CDK14: variants seen among roughly 807,000 people sequenced by gnomAD.
CDK14 encodes cyclin dependent kinase 14, also known as cyclin-dependent kinase 14.
CDK14 carries 34 observed loss-of-function variants against 60.7 expected under a neutral mutation model. That is an observed-to-expected ratio of 0.56 (90% confidence interval 0.43 to 0.75). The LOEUF (loss-of-function observed/expected upper bound fraction) is 0.75, where lower values mean the gene tolerates loss of function less well. CDK14 is among the 30% of genes least tolerant of loss of function. The pLI is 0.00. For missense variants in CDK14, 482 were observed against 564.1 expected (o/e 0.85, Z 1.47); for synonymous variants, 197 against 203.7 (o/e 0.97, Z 0.28).
intron 10 of CDK14, among the ~76,000 whole-genome samples, chr7:91,027,989 A>C (rs1584245718): frequency 8.7e-6 from 1 of 114,810 alleles, no homozygotes; most frequent in Non-Finnish European, 1.8e-5. Context: ...CTCCCCTGTC[A>C]CCCGAATAGT....
At chr7:90,606,984 C>CA (rs775710677) in intron 2 of CDK14, among the ~76,000 whole-genome samples, 1 of 152,112 alleles carries the variant, frequency 6.6e-6, no homozygotes, top group Non-Finnish European at 1.5e-5. Flanking sequence ...CATAAGATTA[C>CA]AATTTTTTTT....
chr7:90,991,015 G>T lies in CDK14; in HGVS notation c.1041+6774G>T, dbSNP rs1003175950. Among the ~76,000 whole-genome samples, 6 of 152,162 alleles carry T rather than the reference G, an allele frequency of 3.9e-5. 1 individual carries two copies. The highest frequency in any genetic ancestry group is 8.8e-5 in the Non-Finnish European group (6 of 68,036). ...ATTTGAATAGCTTCCAGGAAACCAGGTCAGAAAGATGTTGCAAAACGATTG... is the reference window on the plus strand; with the variant it reads ...ATTTGAATAGCTTCCAGGAAACCAGTTCAGAAAGATGTTGCAAAACGATTG... On this transcript the variant is annotated intron_variant, in intron 10 of 14. Transcript: ENST00000380050.
At chr7:90,914,774 T>A (rs1270383465) in intron 7 of CDK14, among the ~76,000 whole-genome samples, 2 of 152,210 alleles carry the variant, frequency 1.3e-5, no homozygotes, top group East Asian at 3.9e-4. Context: ...TCTTTGGAAC[T>A]ACTTGATTTA....
At chr7:90,711,101 T>C (rs1359753387) in intron 2 of CDK14, among the ~76,000 whole-genome samples, 1 of 152,082 alleles carries the variant, frequency 6.6e-6, no homozygotes, top group Non-Finnish European at 1.5e-5. Context: ...GTAGCTTGCA[T>C]GTTGGCTATT....
chr7:91,160,774 A>G (rs1223410545), intron 14 of CDK14, among the ~76,000 whole-genome samples: 4 of 152,042 alleles, frequency 2.6e-5, no homozygotes, highest in Non-Finnish European at 5.9e-5. Flanking sequence ...AGTTATGTAC[A>G]TGGATGTTAT....
intron 5 of CDK14, among the ~76,000 whole-genome samples, chr7:90,853,087 A>G (rs182102590): frequency 1.3e-5 from 2 of 152,276 alleles, no homozygotes; most frequent in Admixed American, 1.3e-4. Flanking sequence ...CATTATGATC[A>G]GATCTGCTGA....
At chr7:90,871,332 G>A (rs944210670) in intron 6 of CDK14, among the ~76,000 whole-genome samples, 1 of 152,102 alleles carries the variant, frequency 6.6e-6, no homozygotes, top group Non-Finnish European at 1.5e-5. Flanking sequence ...ATGGGGTGGA[G>A]GAAAGGTAAC....
intron 1 of CDK14, among the ~76,000 whole-genome samples, chr7:90,597,887 T>C (rs1348513083): frequency 6.7e-6 from 1 of 148,362 alleles, no homozygotes; most frequent in Admixed American, 6.9e-5. Context: ...GTATGCAAAA[T>C]CTTTCCCCAG....
intron 5 of CDK14, among the ~76,000 whole-genome samples, chr7:90,836,732 A>C (rs1037306924): frequency 6.6e-6 from 1 of 152,332 alleles, no homozygotes; most frequent in East Asian, 1.9e-4. Flanking sequence ...CTTTTATACA[A>C]CTGCCAATGC....
rs920140994 is a variant in CDK14 at position 90,925,998 on chromosome 7, A to T, written c.826+8274A>T. Among the ~76,000 whole-genome samples, 19 of 152,154 alleles carry T rather than the reference A, an allele frequency of 1.2e-4. 1 individual carries two copies. The highest frequency in any genetic ancestry group is 1.5e-5 in the Non-Finnish European group (1 of 68,030). On this transcript the variant is annotated intron_variant, in intron 8 of 14. Transcript: ENST00000380050. ...TGTAATCCAGACCCCTCATCTGAAAAATATATATACTTTGGGCCAGAGATG... is the reference window on the plus strand; with the variant it reads ...TGTAATCCAGACCCCTCATCTGAAATATATATATACTTTGGGCCAGAGATG...
At chr7:91,169,289 A>G (rs1348976754) in intron 14 of CDK14, among the ~76,000 whole-genome samples, 1 of 152,188 alleles carries the variant, frequency 6.6e-6, no homozygotes, top group African/African-American at 2.4e-5. Flanking sequence ...GAATTCTGAG[A>G]TGTTGATGGA....
chr7:91,158,512 T>C (rs897162633), intron 14 of CDK14, among the ~76,000 whole-genome samples: 2 of 152,168 alleles, frequency 1.3e-5, no homozygotes, highest in Non-Finnish European at 2.9e-5. Context: ...ATAGAAATTT[T>C]TGACATCCAT....
chr7:91,023,829 A>G (rs1488177324), intron 10 of CDK14, among the ~76,000 whole-genome samples: 2 of 152,002 alleles, frequency 1.3e-5, no homozygotes, highest in Non-Finnish European at 2.9e-5. Context: ...GCAGAGTGCA[A>G]TGGCTCGATC....
rs1732487883 is a variant in CDK14 at position 90,940,701 on chromosome 7, G to A, written c.827-14996G>A. Among the ~76,000 whole-genome samples, 4 of 152,128 alleles carry A rather than the reference G, an allele frequency of 2.6e-5. No individual in the cohort carries two copies. In the South Asian group the frequency reaches 8.3e-4, roughly 32 times the overall value. On this transcript the variant is annotated intron_variant, in intron 8 of 14. Coordinates refer to ENST00000380050, the MANE Select transcript of CDK14 (RefSeq NM_001287135.2). ...CTTAGGAGGCTGAGGTGGGAAGGTC[G>A]CTTGAGCCCGGGAGGTTGAGGCTGC...
intron 5 of CDK14, among the ~76,000 whole-genome samples, chr7:90,833,065 A>G (rs1281175842): frequency 6.6e-6 from 1 of 152,206 alleles, no homozygotes; most frequent in African/African-American, 2.4e-5. Flanking sequence ...GAAGTAGCAG[A>G]GGAGTGATAT....
At chr7:90,748,220 A>G (rs1281355423) in intron 4 of CDK14, among the ~76,000 whole-genome samples, 2 of 152,138 alleles carry the variant, frequency 1.3e-5, no homozygotes, top group African/African-American at 4.8e-5. Flanking sequence ...CAAAATGGCA[A>G]ACTTTTCTTT....
At chr7:91,104,146 T>G (rs2116324270) in intron 12 of CDK14, among the ~76,000 whole-genome samples, 2 of 152,296 alleles carry the variant, frequency 1.3e-5, no homozygotes, top group South Asian at 4.2e-4. Flanking sequence ...TAACAGTCTC[T>G]TGTCCCACAT....
At chr7:91,036,206 C>G (rs944249775) in intron 10 of CDK14, among the ~76,000 whole-genome samples, 1 of 152,138 alleles carries the variant, frequency 6.6e-6, no homozygotes, top group Non-Finnish European at 1.5e-5. Context: ...ACATGAGGGT[C>G]GGCTGGAGCT....
At chr7:90,973,270 G>A (rs1487439656) in intron 9 of CDK14, among the ~76,000 whole-genome samples, 3 of 151,934 alleles carry the variant, frequency 2.0e-5, no homozygotes, top group Admixed American at 6.6e-5. Flanking sequence ...TATAATAAGG[G>A]GCAGGTCTCC....
Sources: gnomAD v4.1 joint callset for allele counts (sites outside exome capture counted in the v4.1 genomes callset) on GRCh38, gnomAD v4.1.1 for gene constraint, MANE v1.5 for transcripts, NCBI Gene and HGNC (gene_info 2026-07-23, HGNC 2026-07-21) for gene names.